WNK2: variants seen among roughly 807,000 people sequenced by gnomAD.
WNK2 encodes the protein WNK lysine deficient protein kinase 2.
A neutral mutation model predicts 192.1 loss-of-function variants in WNK2; 67 were observed. The ratio of observed to expected loss-of-function variants is 0.35; its 90% confidence interval spans 0.29 to 0.43. The LOEUF (loss-of-function observed/expected upper bound fraction) is 0.43. Among genes scored for constraint, WNK2 ranks in the 20% least tolerant of loss-of-function variants. The probability of loss-of-function intolerance (pLI) is 1.00; values close to 1 mark genes in which losing one functional copy is unlikely to be tolerated. For missense variants in WNK2, 2,698 were observed against 3,089.7 expected, an observed-to-expected ratio of 0.87 and a Z score of 3.01; for synonymous variants, 1,439 against 1,393.9, an observed-to-expected ratio of 1.03 and a Z score of -0.72.
intron 7 of WNK2, among the ~76,000 whole-genome samples, chr9:93,243,033 G>A (rs1841047288): frequency 6.6e-6 from 1 of 152,188 alleles, no homozygotes; most frequent in African/African-American, 2.4e-5. Context: ...ACGGCTGAGC[G>A]GCAGAGGGGA....
At chr9:93,260,303 A>G (rs1021329382) in intron 12 of WNK2, among the ~76,000 whole-genome samples, 2 of 152,112 alleles carry the variant, frequency 1.3e-5, no homozygotes, top group East Asian at 3.9e-4. Flanking sequence ...AACTCGAGTG[A>G]GGTGAGAGGG....
At chr9:93,200,994 A>C (rs1048144935) in intron 2 of WNK2, among the ~76,000 whole-genome samples, 11 of 152,310 alleles carry the variant, frequency 7.2e-5, no homozygotes, top group African/African-American at 2.6e-4. Flanking sequence ...AAGGAAAATA[A>C]AATGCTAACA....
rs909057371 is a variant in WNK2, at chr9:93,197,249, C to T, written c.681+11639C>T. On this transcript the variant is annotated intron_variant, in intron 2 of 29. Coordinates refer to ENST00000427277, the MANE Select transcript of WNK2 (RefSeq NM_006648.4). ...TTCAGCCTGTGTCTCTTGATAGGAA[C>T]GAGGATGCTCCCACATCACCTCCAC... Among the ~76,000 whole-genome samples the T allele has an allele frequency of 5.3e-5, 8 of 152,162 alleles. No individual in the cohort carries two copies. The East Asian group carries it at 5.8e-4, about 11-fold the overall frequency.
chr9:93,230,856 G>A (rs745490959), intron 3 of WNK2, 32 bp from the exon 4 acceptor site: 15 of 1,598,846 alleles, frequency 9.4e-6, no homozygotes, highest in Admixed American at 1.7e-5. Context: ...CCGGCGAGCT[G>A]CTTGGTGAGC....
At chr9:93,195,983 G>A (rs966959935) in intron 2 of WNK2, among the ~76,000 whole-genome samples, 1 of 152,136 alleles carries the variant, frequency 6.6e-6, no homozygotes. Context: ...TGCAGAAGAG[G>A]TGCTATCATT....
chr9:93,214,697 G>GCCCCCCCC (rs371026822), intron 2 of WNK2, among the ~76,000 whole-genome samples: 22 of 80,220 alleles, frequency 2.7e-4, no homozygotes, highest in Non-Finnish European at 3.5e-4. Flanking sequence ...TGAAGGTAGT[G>GCCCCCCCC]CCCCCCCCCC....
intron 28 of WNK2, among the ~76,000 whole-genome samples, chr9:93,312,959 A>T (rs1427143183): frequency 6.6e-6 from 1 of 152,092 alleles, no homozygotes; most frequent in Non-Finnish European, 1.5e-5. Context: ...CTGATTCTTT[A>T]TTCTGCCTGC....
chr9:93,191,689 T>G (rs566109413), intron 2 of WNK2, among the ~76,000 whole-genome samples: 1 of 151,600 alleles, frequency 6.6e-6, no homozygotes, highest in Non-Finnish European at 1.5e-5. Flanking sequence ...TCTGGGTGCA[T>G]TTGAAGGTGG....
rs760580175 is a variant in WNK2 at position 93,185,617 on chromosome 9, G to C, written c.681+7G>C. 1 of 1,606,610 alleles carries C rather than the reference G, an allele frequency of 6.2e-7. No homozygotes were observed. The highest frequency in any genetic ancestry group is 1.1e-5 in the South Asian group (1 of 90,042). ...GGCCTGGTGTGAGCTGCAGGTGAGG[G>C]TGCCCCAGCCCGCAGGGGGCTTTCC... On this transcript the variant is annotated splice_region_variant and intron_variant, in intron 2 of 29. Coordinates refer to ENST00000427277, the MANE Select transcript of WNK2 (RefSeq NM_006648.4).
At chr9:93,277,207 AGACT>A (rs1847062036) in intron 19 of WNK2, among the ~76,000 whole-genome samples, 6 of 152,228 alleles carry the variant, frequency 3.9e-5, no homozygotes, top group Admixed American at 3.9e-4. Flanking sequence ...TAGAATGACT[AGACT>A]GACTGCATCA....
In WNK2 at chr9:93,320,559, T is replaced by G; in HGVS notation, c.*167T>G. The G allele has an allele frequency of 3.8e-6, 3 of 787,792 alleles. No individual in the cohort carries two copies. The highest frequency in any genetic ancestry group is 5.4e-6 in the Non-Finnish European group (3 of 556,726). 48.8% of individuals were successfully genotyped at this position (787,792 alleles called of 1,614,324 possible). ...TGTAATGCAAGAATAAAAAATATTTTGGGGCAGAAAGGACTTTGGTTTTTC... is the reference window on the plus strand; with the variant it reads ...TGTAATGCAAGAATAAAAAATATTTGGGGGCAGAAAGGACTTTGGTTTTTC... On this transcript the variant is annotated 3_prime_UTR_variant, in exon 30 of 30. Transcript: ENST00000427277.
chr9:93,221,762 G>C (rs2131814978), intron 2 of WNK2, among the ~76,000 whole-genome samples: 1 of 152,290 alleles, frequency 6.6e-6, no homozygotes, highest in East Asian at 1.9e-4. Context: ...AAGTGTGGCA[G>C]GGCAGTCAGT....
At chr9:93,255,710 AT>A (rs1202313961) in intron 9 of WNK2, among the ~76,000 whole-genome samples, 3 of 152,216 alleles carry the variant, frequency 2.0e-5, no homozygotes, top group Non-Finnish European at 2.9e-5. Context: ...TCCCCTGTAA[AT>A]GATTCAGCCT....
At chr9:93,281,079 A>G (rs1847657539) in intron 19 of WNK2, among the ~76,000 whole-genome samples, 2 of 152,198 alleles carry the variant, frequency 1.3e-5, no homozygotes, top group South Asian at 4.1e-4. Context: ...CGTGGCAGGA[A>G]AGGAGAGGGA....
chr9:93,268,924 A>C, intron 19 of WNK2, 178 bp downstream of exon 19: 1 of 1,557,304 alleles, frequency 6.4e-7, no homozygotes, highest in Non-Finnish European at 8.7e-7. Flanking sequence ...TTTTCTGCTG[A>C]ATCAGCTCAG....
chr9:93,263,761 G>A, intron 15 of WNK2, 27 bp downstream of exon 15: 2 of 1,172,780 alleles, frequency 1.7e-6, no homozygotes, highest in Non-Finnish European at 2.3e-6. Context: ...TGGCGGGGGT[G>A]TGGTGGGGGT....
intron 19 of WNK2, among the ~76,000 whole-genome samples, chr9:93,276,723 A>G (rs1176910616): frequency 1.3e-5 from 2 of 152,226 alleles, no homozygotes; most frequent in African/African-American, 4.8e-5. Context: ...CTCAAAACTC[A>G]ACAGTAAAAT....
intron 26 of WNK2, 78 bp from the exon 27 acceptor site, chr9:93,306,699 C>A: frequency 6.3e-7 from 1 of 1,577,034 alleles, no homozygotes; most frequent in Non-Finnish European, 8.7e-7. Context: ...ACGACTTTTG[C>A]TTAGTGTGGT....
intron 28 of WNK2, chr9:93,309,045 A>T: frequency 1.0e-6 from 1 of 995,410 alleles, no homozygotes; most frequent in Non-Finnish European, 1.2e-6. Context: ...GGCGGAAGTG[A>T]GGACCTGCTG....
Sources: gnomAD v4.1 joint callset for allele counts (sites outside exome capture counted in the v4.1 genomes callset) on GRCh38, gnomAD v4.1.1 for gene constraint, MANE v1.5 for transcripts, NCBI Gene and HGNC (gene_info 2026-07-23, HGNC 2026-07-21) for gene names.